RNF128: variants seen among roughly 807,000 people sequenced by gnomAD.
RNF128 encodes E3 ubiquitin-protein ligase RNF128.
In RNF128, 13 loss-of-function variants were observed where a neutral mutation model predicts 26.2. The ratio of observed to expected loss-of-function variants is 0.50; its 90% CI spans 0.32 to 0.79. RNF128 has a LOEUF of 0.79. Ranked by LOEUF, RNF128 falls within the 30% of genes least tolerant of loss-of-function variation. The pLI, the probability that RNF128 is intolerant of heterozygous loss-of-function variation, is 0.03. For synonymous variants in RNF128, 149 were observed against 142.5 expected, an observed-to-expected ratio of 1.05 and a Z score of -0.32; for missense variants, 315 against 349.7, an observed-to-expected ratio of 0.90 and a Z score of 0.79.
intron 1 of RNF128, among the ~76,000 whole-genome samples, chrX:106,737,806 G>A (rs894855025): frequency 1.8e-5 from 2 of 111,843 alleles, no homozygotes; most frequent in Non-Finnish European, 3.8e-5. Flanking sequence ...TTTCATAGGT[G>A]TGTTTCAATC....
chrX:106,726,077 T>C (rs1394691897), upstream of RNF128, among the ~76,000 whole-genome samples: 1 of 112,295 alleles, frequency 8.9e-6, no homozygotes, highest in Non-Finnish European at 1.9e-5. Context: ...GGTTCTGAGG[T>C]GTGTGAAAAC....
chrX:106,772,488 A>G (rs1930391025), intron 1 of RNF128, among the ~76,000 whole-genome samples: 1 of 111,779 alleles, frequency 8.9e-6, no homozygotes, highest in South Asian at 3.7e-4. Context: ...GAGATAATTT[A>G]TCATCTTATA....
chrX:106,790,218 G>A lies in RNF128; in HGVS notation c.920G>A (p.Trp307Ter). Reference protein sequence around the residue: ...HIFHKTCVDPWLLEHRTCPMC... With the variant: ...HIFHKTCVDP ...TTCCATAAGACATGTGTTGACCCAT[G>A]GCTGTTAGAACACAGGACTTGCCCC... Residue 307 changes from tryptophan (W) to a stop codon, truncating the protein, a stop_gained, in exon 5 of 7, where the codon TGG (tryptophan) becomes TAG (stop). Transcript: ENST00000255499. LOFTEE classifies it high-confidence loss of function. 8.3e-7 allele frequency: 1 copy of A among 1,202,412 alleles called. No homozygotes were observed. Among genetic ancestry groups the A allele is most frequent in the Non-Finnish European group, 1.1e-6 (1 of 889,034 alleles).
chrX:106,766,504 A>G (rs1930247181), intron 1 of RNF128, among the ~76,000 whole-genome samples: 1 of 112,193 alleles, frequency 8.9e-6, no homozygotes, highest in African/African-American at 3.2e-5. Flanking sequence ...TGGCTGCATA[A>G]ATGTCTTCTT....
chrX:106,771,980 T>A (rs1930381302), intron 1 of RNF128, among the ~76,000 whole-genome samples: 1 of 112,310 alleles, frequency 8.9e-6, no homozygotes, highest in South Asian at 3.7e-4. Flanking sequence ...GTGGGAGGTT[T>A]CTCTAGTTGG....
Position 106,760,026 on chromosome X carries a change from G to T in RNF128, c.485-12887G>T, listed in dbSNP as rs544557510. Reference sequence around the variant, plus strand: ...TGTGATTATTACAGATTGTATGTCTGTATCAAAATATCTCATGTAACCTAG... The same window carrying T: ...TGTGATTATTACAGATTGTATGTCTTTATCAAAATATCTCATGTAACCTAG... On this transcript the variant is annotated intron_variant, in intron 1 of 6. Transcript: ENST00000255499. Among the ~76,000 whole-genome samples, 109 of 111,351 alleles carry T rather than the reference G, an allele frequency of 9.8e-4. 1 individual carries two copies. In the South Asian group the frequency reaches 0.039, roughly 40 times the overall value.
chrX:106,755,502 A>T (rs1929988356), intron 1 of RNF128, among the ~76,000 whole-genome samples: 1 of 111,470 alleles, frequency 9.0e-6, no homozygotes, highest in Non-Finnish European at 1.9e-5. Flanking sequence ...ATGAACATCA[A>T]TGCAAAACCT....
chrX:106,752,035 A>G (rs1399655335), intron 1 of RNF128, among the ~76,000 whole-genome samples: 1 of 109,040 alleles, frequency 9.2e-6, no homozygotes, highest in Non-Finnish European at 1.9e-5. Flanking sequence ...GTTCAGCCAC[A>G]GTAAAATAAA....
intron 1 of RNF128, among the ~76,000 whole-genome samples, chrX:106,709,565 A>G (rs1304535802): frequency 1.9e-5 from 2 of 106,842 alleles, no homozygotes; most frequent in African/African-American, 6.8e-5. Flanking sequence ...TTTTTTTTTT[A>G]GATGGAGTTT....
intron 1 of RNF128, among the ~76,000 whole-genome samples, chrX:106,738,474 C>T (rs1018494436): frequency 9.0e-6 from 1 of 111,212 alleles, no homozygotes; most frequent in Non-Finnish European, 1.9e-5. Context: ...ATCCATATTG[C>T]AATTTTTCTG....
At chrX:106,793,122 A>G (rs963762792) in intron 6 of RNF128, among the ~76,000 whole-genome samples, 1 of 111,329 alleles carries the variant, frequency 9.0e-6, no homozygotes, top group African/African-American at 3.3e-5. Context: ...GGTCACCACC[A>G]GAGTTTCTGA....
chrX:106,759,316 C>A (rs1043942148), intron 1 of RNF128, among the ~76,000 whole-genome samples: 1 of 111,288 alleles, frequency 9.0e-6, no homozygotes, highest in Non-Finnish European at 1.9e-5. Context: ...GAAAGGGAAC[C>A]CTTGTACACT....
chrX:106,752,310 A>C (rs1003948109), intron 1 of RNF128, among the ~76,000 whole-genome samples: 2 of 112,533 alleles, frequency 1.8e-5, no homozygotes, highest in Non-Finnish European at 3.8e-5. Context: ...GGGTGCTTGC[A>C]TCACCTCTCC....
At chrX:106,723,152 GA>G (rs1602367776), upstream of RNF128, among the ~76,000 whole-genome samples, 1 of 111,879 alleles carries the variant, frequency 8.9e-6, no homozygotes, top group Non-Finnish European at 1.9e-5. Flanking sequence ...AGAAAAGTAG[GA>G]AAAAAAGTAC....
At chrX:106,718,406 A>C (rs2147664342) in intron 1 of RNF128, among the ~76,000 whole-genome samples, 1 of 111,580 alleles carries the variant, frequency 9.0e-6, no homozygotes, top group South Asian at 3.8e-4. Flanking sequence ...CAGCATCCAG[A>C]ATGTTCAACA....
At chrX:106,768,216 G>T (rs763524890) in intron 1 of RNF128, among the ~76,000 whole-genome samples, 34 of 111,752 alleles carry the variant, frequency 3.0e-4, no homozygotes, top group African/African-American at 1.1e-3. Context: ...GTATCAGGAT[G>T]ATGCTGGCCT....
chrX:106,780,336 T>C (rs1930543289), intron 2 of RNF128, among the ~76,000 whole-genome samples: 1 of 111,310 alleles, frequency 9.0e-6, no homozygotes, highest in African/African-American at 3.3e-5. Flanking sequence ...TGACATTTTA[T>C]CATCAACCCC....
chrX:106,737,244 CTTTAAG>C (rs1461531378), intron 1 of RNF128, among the ~76,000 whole-genome samples: 1 of 109,856 alleles, frequency 9.1e-6, no homozygotes, highest in Admixed American at 9.8e-5. Flanking sequence ...TATTATAATA[CTTTAAG>C]TTTTAGGGTA....
chrX:106,726,324 C>A (rs1484247922), upstream of RNF128, among the ~76,000 whole-genome samples: 1 of 111,149 alleles, frequency 9.0e-6, no homozygotes, highest in Non-Finnish European at 1.9e-5. Flanking sequence ...TACCCAAATT[C>A]CCTTGACTAC....
Sources: allele counts gnomAD v4.1 joint callset (sites outside exome capture counted in the v4.1 genomes callset), GRCh38; gene constraint gnomAD v4.1.1; transcripts MANE v1.5; gene names NCBI Gene and HGNC (gene_info 2026-07-23, HGNC 2026-07-21).